The following KLRG1 variants were observed in gnomAD, a reference collection of about 807,000 sequenced individuals.
KLRG1 encodes the protein killer cell lectin like receptor G1.
Under a neutral mutation model 21.8 loss-of-function variants are expected in KLRG1, and 16 were observed. The observed-to-expected ratio is 0.73, with a 90% CI of 0.50 to 1.11. The LOEUF (loss-of-function observed/expected upper bound fraction) is 1.11, where lower values mean the gene tolerates loss of function less well. KLRG1 is among the 50% of genes most tolerant of loss of function. KLRG1 has a pLI of 0.00. For synonymous variants in KLRG1, 69 were observed against 75.9 expected, an observed-to-expected ratio of 0.91 and a Z score of 0.47; for missense variants, 173 against 218.3, an observed-to-expected ratio of 0.79 and a Z score of 1.31.
chr12:9,069,904 C>G, the KLRG1 span: 1 of 1,073,118 alleles, frequency 9.3e-7, no homozygotes, highest in African/African-American at 1.6e-5. Flanking sequence ...CAAAATAACC[C>G]TGAGGGTAGA....
the KLRG1 span, among the ~76,000 whole-genome samples, chr12:9,029,269 G>A: frequency 2.0e-5 from 3 of 152,104 alleles, no homozygotes; most frequent in Non-Finnish European, 4.4e-5. Context: ...AGACTGGAGT[G>A]CAATGGTGCA....
the KLRG1 span, among the ~76,000 whole-genome samples, chr12:9,182,334 T>C: frequency 1.3e-5 from 2 of 152,186 alleles, no homozygotes; most frequent in Admixed American, 6.5e-5. Context: ...GTTAACAAAG[T>C]TCCTTTCACT....
At chr12:9,109,880 G>A in the KLRG1 span, 14 of 1,598,570 alleles carry the variant, frequency 8.8e-6, no homozygotes, top group African/African-American at 1.5e-4. Flanking sequence ...ATTCCTCCAC[G>A]GTGAAAGGGT....
chr12:9,165,158 T>C, the KLRG1 span: 1 of 1,613,940 alleles, frequency 6.2e-7, no homozygotes, highest in East Asian at 2.2e-5. Context: ...TTTGGGAAGG[T>C]AGTTTAGGAC....
chr12:9,147,482 T>G, the KLRG1 span, among the ~76,000 whole-genome samples: 1 of 152,234 alleles, frequency 6.6e-6, no homozygotes, highest in South Asian at 2.1e-4. Flanking sequence ...AGCCGTAGCA[T>G]GTCCTGAATC....
At chr12:9,110,847 TA>T in the KLRG1 span, among the ~76,000 whole-genome samples, 8 of 152,274 alleles carry the variant, frequency 5.3e-5, 1 homozygote, top group South Asian at 1.7e-3. Context: ...TAAATAATGT[TA>T]AGAACTTACT....
At chr12:9,154,482 A>C in the KLRG1 span, 1 of 899,760 alleles carries the variant, frequency 1.1e-6, no homozygotes, top group Middle Eastern at 2.7e-4. Flanking sequence ...TTAAATTCTC[A>C]TGGTCCTCAA....
At chr12:9,036,561 A>G in the KLRG1 span, 1 of 164,216 alleles carries the variant, frequency 6.1e-6, no homozygotes, top group Middle Eastern at 2.9e-3. Flanking sequence ...TTGGAGACCA[A>G]ATATAAACGG....
chr12:8,988,537 C>T (rs1335128068), upstream of KLRG1: 1 of 152,126 alleles, frequency 6.6e-6, no homozygotes, highest in Non-Finnish European at 1.5e-5. Context: ...ATGATCTTAT[C>T]CACTCTTAAG....
At chr12:8,957,154 C>G (rs1250863628) in intron 1 of KLRG1, among the ~76,000 whole-genome samples, 1 of 152,228 alleles carries the variant, frequency 6.6e-6, no homozygotes, top group African/African-American at 2.4e-5. Flanking sequence ...TATCTGTGAA[C>G]TTGTATGTAT....
chr12:9,196,874 G>A, the KLRG1 span: 1 of 789,714 alleles, frequency 1.3e-6, no homozygotes, highest in East Asian at 2.6e-5. Flanking sequence ...GAATCTTGTT[G>A]ACTAAGAACA....
At chr12:9,009,316 AG>A in intron 4 of KLRG1, 109 bp from the exon 5 acceptor site, 1 of 1,346,472 alleles carries the variant, frequency 7.4e-7, no homozygotes, top group South Asian at 1.4e-5. Context: ...TGGGGGAATT[AG>A]GGGCCTGAAT....
At chr12:8,951,199 A>G (rs1366764095) in intron 1 of KLRG1, among the ~76,000 whole-genome samples, 1 of 152,150 alleles carries the variant, frequency 6.6e-6, no homozygotes, top group African/African-American at 2.4e-5. Context: ...TCAGTCCCAC[A>G]CTGTGGCTCA....
At chr12:9,104,271 T>C in the KLRG1 span, 10 of 1,612,904 alleles carry the variant, frequency 6.2e-6, no homozygotes, top group Non-Finnish European at 6.8e-6. Flanking sequence ...ATAACATTGG[T>C]GGTGTTGATA....
chr12:9,044,421 T>C, the KLRG1 span, among the ~76,000 whole-genome samples: 1 of 152,032 alleles, frequency 6.6e-6, no homozygotes, highest in Admixed American at 6.5e-5. Context: ...TTCCAACACT[T>C]TGGGAGGCCG....
At chr12:9,192,371 A>C in the KLRG1 span, 1 of 1,288,486 alleles carries the variant, frequency 7.8e-7, no homozygotes, top group Non-Finnish European at 1.1e-6. Context: ...AATCAACCTC[A>C]AGAAAACTCA....
the KLRG1 span, chr12:9,162,715 T>C: frequency 1.6e-6 from 2 of 1,261,472 alleles, no homozygotes; most frequent in Non-Finnish European, 2.3e-6. Flanking sequence ...CCACATGGAT[T>C]CCTTTCTTTG....
chr12:9,208,161 A>G, the KLRG1 span: 2 of 825,120 alleles, frequency 2.4e-6, no homozygotes, highest in Admixed American at 1.9e-5. Context: ...AGGTATTGTA[A>G]TGAGTGGAAA....
the KLRG1 span, among the ~76,000 whole-genome samples, chr12:9,153,724 C>T: frequency 6.6e-5 from 10 of 152,134 alleles, no homozygotes; most frequent in African/African-American, 2.4e-4. Context: ...TGGTATGAGA[C>T]AAGTTGCACT....
Sources: allele counts gnomAD v4.1 joint callset (sites outside exome capture counted in the v4.1 genomes callset), GRCh38; gene constraint gnomAD v4.1.1; transcripts MANE v1.5; gene names NCBI Gene and HGNC (gene_info 2026-07-23, HGNC 2026-07-21).